The following LRCH4 variants were observed in gnomAD, a reference collection of about 807,000 sequenced individuals.
LRCH4 encodes the protein leucine rich repeats and calponin homology domain containing 4, also known as leucine-rich repeat and calponin homology domain-containing protein 4.
Under a neutral mutation model 81.2 loss-of-function variants are expected in LRCH4, and 56 were observed. That is an observed-to-expected ratio of 0.69 (90% CI 0.56 to 0.86). The LOEUF (loss-of-function observed/expected upper bound fraction) is 0.86. Ranked by LOEUF, LRCH4 falls within the 40% of genes least tolerant of loss-of-function variation. The pLI, the probability that LRCH4 is intolerant of heterozygous loss-of-function variation, is 0.00. For synonymous variants in LRCH4, 442 were observed against 409.7 expected, an observed-to-expected ratio of 1.08 and a Z score of -0.95; for missense variants, 895 against 922.8, an observed-to-expected ratio of 0.97 and a Z score of 0.39.
At chr7:100,584,079 G>A (rs996681530) in intron 1 of LRCH4, 1 of 451,856 alleles carries the variant, frequency 2.2e-6, no homozygotes, top group Non-Finnish European at 4.5e-6. Flanking sequence ...AAGACTAGGC[G>A]ACACGCAGCG....
rs764090926 is a variant in LRCH4 at position 100,575,124 on chromosome 7, GAGT to G, written c.2032_2034del (p.Thr678del). 27 of 1,610,226 alleles carry G rather than the reference GAGT, an allele frequency of 1.7e-5. No homozygotes were observed. Among genetic ancestry groups the G allele is most frequent in the Non-Finnish European group, 2.2e-5 (26 of 1,177,580 alleles). The stretch of plus-strand genomic sequence containing the variant: ...TTTGGGGCCTAGGAACCCAGGAGCC[GAGT>G]GTAGGTGACATAGAGCAGCAGCATG... On this transcript the variant is annotated inframe_deletion, in exon 18 of 18. Transcript: ENST00000310300. The surrounding 1 kb of genome is among the most constrained non-coding windows in gnomAD (Gnocchi z 5.3).
chr7:100,575,395 T>C lies in LRCH4; in HGVS notation c.1855-91A>G, dbSNP rs1294778343. 1.6e-6 allele frequency: 2 copies of C among 1,235,298 alleles called. No homozygotes were observed. Among genetic ancestry groups the C allele is most frequent in the East Asian group, 5.1e-5 (2 of 39,182 alleles). 76.5% of individuals were successfully genotyped at this position (1,235,298 alleles called of 1,614,324 possible). ...CCCTCCCACCCCTGCCCTCACGTGC[T>C]GGGGCCAGAACCACGCCCACATGCT... is the stretch of plus-strand genomic sequence containing the variant. On this transcript the variant is annotated intron_variant, in intron 17 of 17. Coordinates refer to ENST00000310300, the MANE Select transcript of LRCH4 (RefSeq NM_002319.5). The surrounding 1 kb of genome is among the most constrained non-coding windows in gnomAD (Gnocchi z 5.3).
chr7:100,576,609 C>A (rs1461153061), intron 14 of LRCH4, 85 bp downstream of exon 14: 4 of 1,216,016 alleles, frequency 3.3e-6, no homozygotes, highest in Non-Finnish European at 4.7e-6. Flanking sequence ...TACAACAGAC[C>A]CAGAGGGCTC....
rs372621081 is a variant in LRCH4, at chr7:100,576,776, C to T, written c.1470G>A (p.Ala490=). The T allele has an allele frequency of 4.4e-6, 7 of 1,588,394 alleles. No individual in the cohort carries two copies. The highest frequency in any genetic ancestry group is 2.3e-5 in the East Asian group (1 of 43,784). ...SQEPLPIAGP[A]TAPAPRPLGS... is the part of the protein sequence containing the mutation. ...CAAGTGGCCGTGGAGCAGGTGCTGT[C>T]GCTGGGGCCGGAACCAGGGACACAG... Residue 490 remains alanine (A), a splice_region_variant and synonymous_variant, in exon 14 of 18, where the codon GCG becomes GCA. Coordinates refer to ENST00000310300, the MANE Select transcript of LRCH4 (RefSeq NM_002319.5).
At position 100,574,887 on chromosome 7, in the gene LRCH4, A is replaced by G. The variant is rs1254530485; in HGVS notation, c.*220T>C. On this transcript the variant is annotated 3_prime_UTR_variant, in exon 18 of 18. Transcript: ENST00000310300. ...GCGGGGACATGAAGGCACCGTCAGCACTGAGAGGTGGGGACTCGTGGGGCT... is the reference window on the plus strand; with the variant it reads ...GCGGGGACATGAAGGCACCGTCAGCGCTGAGAGGTGGGGACTCGTGGGGCT... The G allele has an allele frequency of 5.8e-6, 3 of 520,576 alleles. No homozygotes were observed. The highest frequency in any genetic ancestry group is 1.0e-5 in the Non-Finnish European group (3 of 291,682). The allele number at this position is 520,576 out of a possible 1,614,324, so 32.2% of individuals were successfully genotyped here. A position where few individuals can be genotyped will look rare whatever the true frequency, so the allele number is the denominator to read the frequency against.
Position 100,582,157 on chromosome 7 carries a change from G to T in LRCH4, c.376C>A (p.Leu126Met). The change falls in exon 3 of 18, where the codon CTG (leucine) becomes ATG (methionine). Residue 126 changes from leucine to methionine, a missense_variant. Transcript: ENST00000310300. This position sits in a 1 kb window ranked among gnomAD's most constrained non-coding sequence, Gnocchi z 5.0. Reference protein sequence around the residue: ...LTYLNLSRNQLSLLPPYICQL... With the variant: ...LTYLNLSRNQMSLLPPYICQL... ...CAGATGTAGGGTGGCAGCAGCGACA[G>T]CTGGTTTCGGCTGTGGAAGGGAGAA... 1 of 1,613,474 alleles carries T rather than the reference G, an allele frequency of 6.2e-7. No individual in the cohort carries two copies. The highest frequency in any genetic ancestry group is 8.5e-7 in the Non-Finnish European group (1 of 1,179,924).
Position 100,575,165 on chromosome 7 carries a change from A to G in LRCH4, c.1994T>C (p.Phe665Ser), listed in dbSNP as rs1036082778. The G allele has an allele frequency of 1.9e-6, 3 of 1,613,356 alleles. No homozygotes were observed. Among genetic ancestry groups the G allele is most frequent in the Non-Finnish European group, 1.7e-6 (2 of 1,179,738 alleles). ...GAGCAGCAGCATGAGGACCACGTAG[A>G]AGACGACGAAGCCGCCCAGACCAGA... ...PPSGLGGFVV[F>S]YVVLMLLLYV... is the part of the protein sequence containing the mutation. Residue 665 changes from phenylalanine to serine, a missense_variant, in exon 18 of 18, where the codon TTC becomes TCC. Physicochemically the swap from Phe to Ser is radical, Grantham distance 155 (BLOSUM62 -2). This residue lies in a region of LRCH4 where 529 missense variants were observed against 504.9 expected (regional missense o/e 1.05). Transcript: ENST00000310300. This position sits in a 1 kb window ranked among gnomAD's most constrained non-coding sequence, Gnocchi z 5.3.
Position 100,576,139 on chromosome 7 carries a change from TG to T in LRCH4, c.1638+98del, listed in dbSNP as rs1027307373. On this transcript the variant is annotated intron_variant, in intron 15 of 17. Coordinates refer to ENST00000310300, the MANE Select transcript of LRCH4 (RefSeq NM_002319.5). ...CCTGTCCTCAGGGGAGGTGCCAGAG[TG>T]GGCACAGAGGATGTGGAGGGAGGCT... 7.4e-6 allele frequency: 11 copies of T among 1,480,046 alleles called. No homozygotes were observed. The African/African-American group carries it at 1.4e-4, about 19-fold the overall frequency. The allele number at this position is 1,480,046 out of a possible 1,614,324, so 91.7% of individuals were successfully genotyped here.
At position 100,576,717 on chromosome 7, in the gene LRCH4, CG is replaced by C. The variant is rs1307584156; in HGVS notation, c.1528del (p.Arg510ValfsTer17). The C allele has an allele frequency of 6.3e-7, 1 of 1,595,980 alleles. No individual in the cohort carries two copies. The highest frequency in any genetic ancestry group is 8.5e-7 in the Non-Finnish European group (1 of 1,171,310). On this transcript the variant is annotated frameshift_variant, in exon 14 of 18. Coordinates refer to ENST00000310300, the MANE Select transcript of LRCH4 (RefSeq NM_002319.5). LOFTEE classifies it high-confidence loss of function. ...SIQRPNSFLFRSSSQSGSGPS... is the reference protein window; with the variant it reads ...SIQRPNSFLFXSSSQSGSGPS... The stretch of plus-strand genomic sequence containing the variant: ...ACCTGAGCCACTCTGAGAGGAGGAA[CG>C]GAAGAGGAAGCTGTTTGGTCTCTGA...
chr7:100,578,295 T>C lies in LRCH4; in HGVS notation c.849-37A>G. 1 of 1,605,326 alleles carries C rather than the reference T, an allele frequency of 6.2e-7. No individual in the cohort carries two copies. Among genetic ancestry groups the C allele is most frequent in the South Asian group, 1.1e-5 (1 of 90,884 alleles). The stretch of plus-strand genomic sequence containing the variant: ...CAGGCGGATCTGGTCAGCCTGATGC[T>C]GGACAACAGCCCCCCATCCTCCTGC... On this transcript the variant is annotated intron_variant, in intron 6 of 17. Transcript: ENST00000310300. The surrounding 1 kb of genome is among the most constrained non-coding windows in gnomAD (Gnocchi z 5.7).
At position 100,585,846 on chromosome 7, in the gene LRCH4, G is replaced by A. The variant is rs369331264; in HGVS notation, c.220+35C>T. On this transcript the variant is annotated intron_variant, in intron 1 of 17. Transcript: ENST00000310300. ...CCCGGGGTGGGGCTATGCAAATGAG[G>A]GACCCGGTTGGGCCCGGGGCCCGGC... 2.7e-5 allele frequency: 41 copies of A among 1,526,486 alleles called. No individual in the cohort carries two copies. In the African/African-American group the frequency reaches 4.0e-4, roughly 15 times the overall value. 94.6% of individuals were successfully genotyped at this position (1,526,486 alleles called of 1,614,324 possible).
chr7:100,581,892 G>A lies in LRCH4; in HGVS notation c.493-10C>T. The stretch of plus-strand genomic sequence containing the variant: ...CGTTGCTGCTCACGTCCTGGTATCA[G>A]GAAGGCAGTGGGAAGGGGCCATGAG... On this transcript the variant is annotated splice_polypyrimidine_tract_variant and intron_variant, in intron 3 of 17. Transcript: ENST00000310300. 1.2e-6 allele frequency: 2 copies of A among 1,613,944 alleles called. No individual in the cohort carries two copies. Among genetic ancestry groups the A allele is most frequent in the Non-Finnish European group, 1.7e-6 (2 of 1,179,900 alleles).
At chr7:100,576,615 G>T in intron 14 of LRCH4, 79 bp downstream of exon 14, 1 of 1,252,680 alleles carries the variant, frequency 8.0e-7, no homozygotes, top group East Asian at 2.5e-5. Context: ...AGACCCAGAG[G>T]GCTCCCAGGG....
rs1235524476 is a variant in LRCH4, at chr7:100,582,911, C to T, written c.221-452G>A. ...GGGGCAAACCACAGGGAGTGCCCATCCCTCCTCGGGGCCCTTCTTCCCTAC... is the reference window on the plus strand; with the variant it reads ...GGGGCAAACCACAGGGAGTGCCCATTCCTCCTCGGGGCCCTTCTTCCCTAC... On this transcript the variant is annotated intron_variant, in intron 1 of 17. Coordinates refer to ENST00000310300, the MANE Select transcript of LRCH4 (RefSeq NM_002319.5). The surrounding 1 kb of genome is among the most constrained non-coding windows in gnomAD (Gnocchi z 5.0). Among the ~76,000 whole-genome samples, 2 of 152,176 alleles carry T rather than the reference C, an allele frequency of 1.3e-5. No homozygotes were observed. Among genetic ancestry groups the T allele is most frequent in the Non-Finnish European group, 2.9e-5 (2 of 68,018 alleles).
rs1475071804 is a variant in LRCH4 at position 100,575,729 on chromosome 7, G to A, written c.1830C>T (p.Ala610=). The A allele has an allele frequency of 6.2e-7, 1 of 1,613,930 alleles. No homozygotes were observed. Among genetic ancestry groups the A allele is most frequent in the Non-Finnish European group, 8.5e-7 (1 of 1,179,924 alleles). The change falls in exon 17 of 18, where the codon GCC becomes GCT. Residue 610 remains alanine, a synonymous_variant. Coordinates refer to ENST00000310300, the MANE Select transcript of LRCH4 (RefSeq NM_002319.5). This position sits in a 1 kb window ranked among gnomAD's most constrained non-coding sequence, Gnocchi z 5.3. ...ARKNVESFLE[A]CRKMGVPEAD... is the part of the protein sequence containing the mutation. ...CCTCAGGCACCCCCATTTTTCGACA[G>A]GCTTCTAGAAAACTCTCCACATTCT...
intron 1 of LRCH4, among the ~76,000 whole-genome samples, chr7:100,585,560 G>C (rs1004974404): frequency 1.3e-5 from 2 of 152,074 alleles, no homozygotes; most frequent in Non-Finnish European, 2.9e-5. Flanking sequence ...TTGGAGCTGA[G>C]GTTAAGAGAT....
At position 100,575,013 on chromosome 7, in the gene LRCH4, TGGGGCTGAAGGCACCGCAGG is replaced by T. The variant is rs1385739446; in HGVS notation, c.*74_*93del. ...AAGGGGGTGCACTAGTGTCTTTGGT[TGGGGCTGAAGGCACCGCAGG>T]TGGGGTCGGGTGGAGCAGGGACCTT... is the stretch of plus-strand genomic sequence containing the variant. On this transcript the variant is annotated 3_prime_UTR_variant, in exon 18 of 18. Transcript: ENST00000310300. This position sits in a 1 kb window ranked among gnomAD's most constrained non-coding sequence, Gnocchi z 5.3. 1.6e-6 allele frequency: 2 copies of T among 1,214,328 alleles called. No homozygotes were observed. The highest frequency in any genetic ancestry group is 3.1e-5 in the African/African-American group (2 of 65,430). The allele number at this position is 1,214,328 out of a possible 1,614,324, so 75.2% of individuals were successfully genotyped here. A position where few individuals can be genotyped will look rare whatever the true frequency, so the allele number is the denominator to read the frequency against.
Position 100,574,855 on chromosome 7 carries a change from A to C in LRCH4, c.*252T>G. On this transcript the variant is annotated 3_prime_UTR_variant, in exon 18 of 18. Coordinates refer to ENST00000310300, the MANE Select transcript of LRCH4 (RefSeq NM_002319.5). ...CTCACGGGGTACAGAGGGCAGGGGC[A>C]GGGCCGGCGGGGACATGAAGGCACC... 14 of 420,514 alleles carry C rather than the reference A, an allele frequency of 3.3e-5. No individual in the cohort carries two copies. The highest frequency in any genetic ancestry group is 3.0e-5 in the Non-Finnish European group (7 of 232,716). 26.0% of individuals were successfully genotyped at this position (420,514 alleles called of 1,614,324 possible).
rs930651447 is a variant in LRCH4 at position 100,578,764 on chromosome 7, G to C, written c.621C>G (p.Val207=). ...CGCGGTTACAGGAGAAATCCAGGCGGACCAGAGGGAGGTCCCCCAGCTCTG... is the reference window on the plus strand; with the variant it reads ...CGCGGTTACAGGAGAAATCCAGGCGCACCAGAGGGAGGTCCCCCAGCTCTG... ...LPEELGDLPL[V]RLDFSCNRVS... is the part of the protein sequence containing the mutation. Residue 207 remains valine, a synonymous_variant, in exon 5 of 18, where the codon GTC becomes GTG. Coordinates refer to ENST00000310300, the MANE Select transcript of LRCH4 (RefSeq NM_002319.5). This position sits in a 1 kb window ranked among gnomAD's most constrained non-coding sequence, Gnocchi z 5.7. The C allele has an allele frequency of 5.0e-6, 8 of 1,613,684 alleles. No homozygotes were observed. The highest frequency in any genetic ancestry group is 5.9e-6 in the Non-Finnish European group (7 of 1,179,994).
Sources: allele counts gnomAD v4.1 joint callset (sites outside exome capture counted in the v4.1 genomes callset), GRCh38; gene constraint gnomAD v4.1.1; regional missense constraint gnomAD v4.1.1; non-coding constraint Gnocchi (gnomAD v3.1); transcripts MANE v1.5; gene names NCBI Gene and HGNC (gene_info 2026-07-23, HGNC 2026-07-21).